HMG20A: variants seen among roughly 807,000 people sequenced by gnomAD.
HMG20A encodes high mobility group 20A, also known as high mobility group protein 20A.
In HMG20A, 17 loss-of-function variants were observed where a neutral mutation model predicts 43.9. The observed-to-expected ratio is 0.39, with a 90% confidence interval of 0.27 to 0.58. HMG20A has a LOEUF of 0.58. Ranked by LOEUF, HMG20A falls within the 20% of genes least tolerant of loss-of-function variation. The probability of loss-of-function intolerance (pLI) is 0.59; values close to 1 mark genes in which losing one functional copy is unlikely to be tolerated. For missense variants in HMG20A, 341 were observed against 438.2 expected (o/e 0.78, Z 1.98); for synonymous variants, 132 against 147.5 (o/e 0.89, Z 0.76).
At chr15:77,438,967 A>G (rs1203893621) in intron 1 of HMG20A, among the ~76,000 whole-genome samples, 1 of 151,086 alleles carries the variant, frequency 6.6e-6, no homozygotes, top group African/African-American at 2.4e-5. Flanking sequence ...ATTTTTTTGT[A>G]TTTTTTTAGT....
intron 1 of HMG20A, among the ~76,000 whole-genome samples, chr15:77,449,072 A>G (rs113191276): frequency 6.9e-4 from 105 of 152,034 alleles, no homozygotes; most frequent in Non-Finnish European, 1.1e-3. Flanking sequence ...AAATAATAAA[A>G]TAAAGATCAA....
At chr15:77,514,450 TAC>T in the HMG20A span, among the ~76,000 whole-genome samples, 4,427 of 152,310 alleles carry the variant, frequency 0.029, 180 homozygotes, top group African/African-American at 0.095. Flanking sequence ...GGATAGTGGC[TAC>T]ACACATGTTT....
chr15:77,490,508 A>G (rs2072966776), downstream of HMG20A, among the ~76,000 whole-genome samples: 1 of 152,132 alleles, frequency 6.6e-6, no homozygotes. Context: ...TGGGATGTGG[A>G]GAATGAAAGA....
chr15:77,427,721 A>AT (rs1567388055), intron 1 of HMG20A, among the ~76,000 whole-genome samples: 3 of 152,152 alleles, frequency 2.0e-5, no homozygotes, highest in Admixed American at 6.5e-5. Context: ...TCAAAAAAAA[A>AT]TTTTATTCAG....
At chr15:77,466,571 A>G (rs899039151) in intron 3 of HMG20A, among the ~76,000 whole-genome samples, 5 of 152,148 alleles carry the variant, frequency 3.3e-5, no homozygotes, top group Non-Finnish European at 5.9e-5. Context: ...AAAGTTATCA[A>G]TGAGCAACTC....
At position 77,484,352 on chromosome 15, in the gene HMG20A, C is replaced by A. The variant is rs769887836; in HGVS notation, c.*1389C>A. Reference sequence around the variant, plus strand: ...TTTTGTTTTTGTTTTTGTTTTGACACTGCAGAGCACAAGGCTAAAGGTTAC... The same window carrying A: ...TTTTGTTTTTGTTTTTGTTTTGACAATGCAGAGCACAAGGCTAAAGGTTAC... On this transcript the variant is annotated 3_prime_UTR_variant, in exon 10 of 10. Coordinates refer to ENST00000336216, the MANE Select transcript of HMG20A (RefSeq NM_001304504.2). 1 of 152,578 alleles carries A rather than the reference C, an allele frequency of 6.6e-6. No homozygotes were observed. Among genetic ancestry groups the A allele is most frequent in the African/African-American group, 2.4e-5 (1 of 41,400 alleles). The allele number at this position is 152,578 out of a possible 1,614,324, so 9.5% of individuals were successfully genotyped here.
chr15:77,457,323 C>T lies in HMG20A; in HGVS notation c.-4-1081C>T, dbSNP rs559564786. 2.6e-5 allele frequency among the ~76,000 whole-genome samples: 4 copies of T among 152,290 alleles called. No individual in the cohort carries two copies. In the East Asian group the frequency reaches 5.8e-4, roughly 22 times the overall value. On this transcript the variant is annotated intron_variant, in intron 1 of 9. Transcript: ENST00000336216. ...CACCAGGTCTCCTTAGCAGCAGCAG[C>T]GCCTGAAATAACTCCTGAGGAAGCT...
chr15:77,446,420 CT>C (rs1485279459), intron 1 of HMG20A, among the ~76,000 whole-genome samples: 2 of 151,590 alleles, frequency 1.3e-5, no homozygotes, highest in African/African-American at 4.8e-5. Flanking sequence ...TGTTTTTCAA[CT>C]TTAAAAAAAA....
chr15:77,453,859 A>G (rs1367936287), intron 1 of HMG20A, among the ~76,000 whole-genome samples: 1 of 152,146 alleles, frequency 6.6e-6, no homozygotes, highest in Non-Finnish European at 1.5e-5. Context: ...ATGAAATATC[A>G]GAATAGGTAC....
In HMG20A at chr15:77,479,458, A is replaced by G. The variant is rs983321286; in HGVS notation, c.*6+137A>G. 5.2e-6 allele frequency: 4 copies of G among 764,312 alleles called. 1 individual carries two copies. The highest frequency in any genetic ancestry group is 5.1e-4 in the Middle Eastern group (2 of 3,930). 47.3% of individuals were successfully genotyped at this position (764,312 alleles called of 1,614,324 possible). A position where few individuals can be genotyped will look rare whatever the true frequency, so the allele number is the denominator to read the frequency against. On this transcript the variant is annotated intron_variant, in intron 9 of 9. Transcript: ENST00000336216. Reference sequence around the variant, plus strand: ...GAGACTTGGTTAAGATTCCTGTTGCATGGTTGTTAAATGTAGTAAATAATA... The same window carrying G: ...GAGACTTGGTTAAGATTCCTGTTGCGTGGTTGTTAAATGTAGTAAATAATA...
At chr15:77,472,554 G>A (rs1286585928) in intron 6 of HMG20A, among the ~76,000 whole-genome samples, 1 of 152,180 alleles carries the variant, frequency 6.6e-6, no homozygotes, top group Non-Finnish European at 1.5e-5. Context: ...GATTACAGGC[G>A]TGAGCCACCA....
intron 1 of HMG20A, among the ~76,000 whole-genome samples, chr15:77,433,047 T>A: frequency 6.6e-6 from 1 of 152,160 alleles, no homozygotes; most frequent in Non-Finnish European, 1.5e-5. Context: ...GAATACTGTT[T>A]TTATCTGTTA....
chr15:77,427,781 G>A (rs1426708493), intron 1 of HMG20A, among the ~76,000 whole-genome samples: 1 of 152,184 alleles, frequency 6.6e-6, no homozygotes, highest in Non-Finnish European at 1.5e-5. Flanking sequence ...ACCACACTGA[G>A]CCATAATTCC....
intron 2 of HMG20A, among the ~76,000 whole-genome samples, chr15:77,461,658 T>C (rs1025831975): frequency 2.0e-5 from 3 of 152,204 alleles, no homozygotes; most frequent in African/African-American, 7.2e-5. Context: ...TCCTGTCCAC[T>C]TAAGTCAGGG....
At chr15:77,507,983 T>C in the HMG20A span, among the ~76,000 whole-genome samples, 1 of 151,986 alleles carries the variant, frequency 6.6e-6, no homozygotes, top group Non-Finnish European at 1.5e-5. Context: ...GAGTCTGAGC[T>C]TCCCTTGAAA....
chr15:77,478,570 G>T, intron 8 of HMG20A, 60 bp downstream of exon 8: 1 of 1,375,722 alleles, frequency 7.3e-7, no homozygotes, highest in Non-Finnish European at 1.0e-6. Flanking sequence ...GTGGAGTGGG[G>T]TGCTGTTTAT....
intron 1 of HMG20A, among the ~76,000 whole-genome samples, chr15:77,440,580 A>G (rs1418429298): frequency 1.3e-5 from 2 of 152,204 alleles, no homozygotes; most frequent in African/African-American, 4.8e-5. Context: ...AAGTGAGTCA[A>G]CATGGGGCTA....
intron 1 of HMG20A, among the ~76,000 whole-genome samples, chr15:77,434,220 G>C (rs2073520807): frequency 6.6e-6 from 1 of 152,062 alleles, no homozygotes; most frequent in Non-Finnish European, 1.5e-5. Context: ...ACAAAAATCA[G>C]GTCTAGTTGG....
Position 77,485,586 on chromosome 15 carries a change from A to G in HMG20A, c.*2623A>G, listed in dbSNP as rs2072940712. ...TGCTTGTTTGACATTTGTCTCATTA[A>G]AACTTTTCTACGTTGAATTCACCTG... On this transcript the variant is annotated 3_prime_UTR_variant, in exon 10 of 10. Transcript: ENST00000336216. The G allele has an allele frequency of 6.6e-6, 1 of 152,624 alleles. No homozygotes were observed. The highest frequency in any genetic ancestry group is 1.5e-5 in the Non-Finnish European group (1 of 68,030). 9.5% of individuals were successfully genotyped at this position (152,624 alleles called of 1,614,324 possible).
Sources: gnomAD v4.1 joint callset for allele counts (sites outside exome capture counted in the v4.1 genomes callset) on GRCh38, gnomAD v4.1.1 for gene constraint, MANE v1.5 for transcripts, NCBI Gene and HGNC (gene_info 2026-07-23, HGNC 2026-07-21) for gene names.